Variants in HTR1F observed in about 807,000 individuals in gnomAD.
HTR1F encodes the protein 5-hydroxytryptamine (serotonin) receptor 1F, G protein-coupled.
HTR1F carries 17 observed loss-of-function variants against 24.0 expected under a neutral mutation model. That is an observed-to-expected ratio of 0.71 (90% CI 0.48 to 1.06). The LOEUF is 1.06. Among genes scored for constraint, HTR1F ranks in the 50% least tolerant of loss-of-function variants. The pLI, the probability that HTR1F is intolerant of heterozygous loss-of-function variation, is 0.00. For missense variants in HTR1F, 391 were observed against 427.8 expected (o/e 0.91, Z 0.76); for synonymous variants, 186 against 156.8 (o/e 1.19, Z -1.39).
intron 2 of HTR1F, among the ~76,000 whole-genome samples, chr3:87,836,812 G>A (rs1243596295): frequency 1.3e-5 from 2 of 151,956 alleles, no homozygotes; most frequent in African/African-American, 4.8e-5. Context: ...CAAAAAACAA[G>A]ATAAAATCTT....
chr3:87,983,084 T>A (rs889651385), intron 2 of HTR1F, among the ~76,000 whole-genome samples: 27 of 152,052 alleles, frequency 1.8e-4, no homozygotes, highest in Non-Finnish European at 5.9e-5. Context: ...GGAACATAAT[T>A]CATAAACTAA....
chr3:87,983,691 TCC>T (rs919796989), intron 2 of HTR1F, among the ~76,000 whole-genome samples: 29 of 152,156 alleles, frequency 1.9e-4, no homozygotes, highest in Admixed American at 6.6e-4. Flanking sequence ...CCAATCTGCA[TCC>T]CAATTCCTGA....
Position 87,876,490 on chromosome 3 carries a change from G to A in HTR1F, c.-43+54366G>A, listed in dbSNP as rs72913713. 9.2e-3 allele frequency among the ~76,000 whole-genome samples: 1,393 copies of A among 152,240 alleles called. 14 individuals are homozygous for A. Among genetic ancestry groups the A allele is most frequent in the African/African-American group, 0.032 (1,317 of 41,554 alleles). Reference sequence around the variant, plus strand: ...AAAAACACAGATGAATCTTGAAGACGTTATACTTCATTATAGGTGAAATAA... The same window carrying A: ...AAAAACACAGATGAATCTTGAAGACATTATACTTCATTATAGGTGAAATAA... On this transcript the variant is annotated intron_variant, in intron 2 of 2. Transcript: ENST00000319595.
At chr3:87,819,526 C>T (rs1575905294) in intron 1 of HTR1F, among the ~76,000 whole-genome samples, 1 of 151,388 alleles carries the variant, frequency 6.6e-6, no homozygotes, top group Non-Finnish European at 1.5e-5. Flanking sequence ...TCTCTCTTGC[C>T]TTTTTTTAAA....
rs113032682 is a variant in HTR1F, at chr3:87,869,614, T to C, written c.-43+47490T>C. Among the ~76,000 whole-genome samples the C allele has an allele frequency of 2.6e-5, 4 of 152,052 alleles. No individual in the cohort carries two copies. In the South Asian group the frequency reaches 8.3e-4, roughly 31 times the overall value. On this transcript the variant is annotated intron_variant, in intron 2 of 2. Transcript: ENST00000319595. Reference sequence around the variant, plus strand: ...TACTTCCAGTTCAGGTTCAAAGGCCTAAGAAACAGCAGAGTTCTGCTTCAA... The same window carrying C: ...TACTTCCAGTTCAGGTTCAAAGGCCCAAGAAACAGCAGAGTTCTGCTTCAA...
chr3:87,846,718 C>T (rs1378327212), intron 2 of HTR1F, among the ~76,000 whole-genome samples: 1 of 151,792 alleles, frequency 6.6e-6, no homozygotes, highest in African/African-American at 2.4e-5. Context: ...TAAGTTGCTT[C>T]TGTTGAGAAT....
chr3:87,815,287 C>A (rs1704229769), intron 1 of HTR1F, among the ~76,000 whole-genome samples: 1 of 151,112 alleles, frequency 6.6e-6, no homozygotes, highest in African/African-American at 2.4e-5. Context: ...GTGGGTGAAT[C>A]AAATATATAT....
intron 2 of HTR1F, among the ~76,000 whole-genome samples, chr3:87,943,780 C>T (rs933700748): frequency 2.0e-5 from 3 of 152,272 alleles, no homozygotes; most frequent in Middle Eastern, 3.4e-3. Flanking sequence ...CTCAGGAGGC[C>T]GGGTTTCTCC....
intron 2 of HTR1F, among the ~76,000 whole-genome samples, chr3:87,885,993 G>A (rs1245636470): frequency 6.6e-6 from 1 of 152,084 alleles, no homozygotes; most frequent in Non-Finnish European, 1.5e-5. Flanking sequence ...CATTTTATGA[G>A]GCCAGCATCA....
At chr3:87,901,333 C>A (rs947219574) in intron 2 of HTR1F, among the ~76,000 whole-genome samples, 4 of 151,946 alleles carry the variant, frequency 2.6e-5, no homozygotes. Flanking sequence ...GAATGGCACC[C>A]TTATCAGAAG....
chr3:87,900,221 T>C (rs2938269), intron 2 of HTR1F, among the ~76,000 whole-genome samples: 3 of 152,028 alleles, frequency 2.0e-5, no homozygotes, highest in African/African-American at 7.3e-5. Context: ...AGATAAAGTC[T>C]CGTGGATGGG....
intron 2 of HTR1F, among the ~76,000 whole-genome samples, chr3:87,850,699 A>G (rs1241798543): frequency 2.0e-5 from 3 of 151,808 alleles, no homozygotes; most frequent in African/African-American, 7.3e-5. Flanking sequence ...AAAAATTAAT[A>G]TAGAAAAATT....
chr3:87,844,452 C>A (rs565019792), intron 2 of HTR1F, among the ~76,000 whole-genome samples: 5 of 133,472 alleles, frequency 3.7e-5, no homozygotes, highest in Non-Finnish European at 7.6e-5. Context: ...GAGTAGGTTG[C>A]GAAAATTTTC....
chr3:87,935,953 C>A (rs754390044), intron 2 of HTR1F, among the ~76,000 whole-genome samples: 5 of 152,030 alleles, frequency 3.3e-5, no homozygotes, highest in African/African-American at 9.7e-5. Context: ...TGGGTTCAAG[C>A]GATCCTCCTG....
intron 2 of HTR1F, among the ~76,000 whole-genome samples, chr3:87,947,102 A>G (rs1349628425): frequency 6.6e-6 from 1 of 152,180 alleles, no homozygotes; most frequent in East Asian, 1.9e-4. Context: ...GTATCTTTGA[A>G]TTCTTATTAA....
chr3:87,990,473 G>T (rs1219361824), intron 2 of HTR1F, among the ~76,000 whole-genome samples: 2 of 152,118 alleles, frequency 1.3e-5, no homozygotes, highest in Non-Finnish European at 2.9e-5. Flanking sequence ...ATTAAAAATT[G>T]TTGTATTTAA....
intron 2 of HTR1F, among the ~76,000 whole-genome samples, chr3:87,871,869 T>G (rs1328990068): frequency 1.3e-5 from 2 of 151,944 alleles, no homozygotes; most frequent in Non-Finnish European, 2.9e-5. Flanking sequence ...AGAAGATCAA[T>G]AAAGAAACAG....
intron 2 of HTR1F, among the ~76,000 whole-genome samples, chr3:87,942,846 C>A (rs183434226): frequency 6.6e-6 from 1 of 151,974 alleles, no homozygotes; most frequent in Non-Finnish European, 1.5e-5. Flanking sequence ...TTGCTCTGGG[C>A]GTAAGGCAGA....
chr3:87,859,312 A>G (rs1172030891), intron 2 of HTR1F, among the ~76,000 whole-genome samples: 3 of 152,230 alleles, frequency 2.0e-5, no homozygotes, highest in South Asian at 4.1e-4. Flanking sequence ...GTCTAAAAAA[A>G]TACTTCATAC....
Sources: gnomAD v4.1 joint callset for allele counts (sites outside exome capture counted in the v4.1 genomes callset) on GRCh38, gnomAD v4.1.1 for gene constraint, MANE v1.5 for transcripts, NCBI Gene and HGNC (gene_info 2026-07-23, HGNC 2026-07-21) for gene names.